The following NSMAF variants were observed in gnomAD, a reference collection of about 807,000 sequenced individuals.
NSMAF encodes neutral sphingomyelinase activation associated factor, also known as protein FAN.
A neutral mutation model predicts 134.9 loss-of-function variants in NSMAF; 90 were observed. The observed-to-expected ratio is 0.67, with a 90% CI of 0.56 to 0.79. NSMAF has a LOEUF of 0.79. Among genes scored for constraint, NSMAF ranks in the 30% least tolerant of loss-of-function variants. The pLI is 0.00. For missense variants in NSMAF, 1,010 were observed against 1,119.0 expected (o/e 0.90, Z 1.39); for synonymous variants, 358 against 389.6 (o/e 0.92, Z 0.96).
At chr8:58,605,403 C>A (rs1183816513) in intron 12 of NSMAF, among the ~76,000 whole-genome samples, 1 of 152,124 alleles carries the variant, frequency 6.6e-6, no homozygotes, top group Non-Finnish European at 1.5e-5. Context: ...TAATATAAGA[C>A]CTGACTGAAC....
intron 8 of NSMAF, 30 bp downstream of exon 8, chr8:58,623,347 T>G (rs748213928): frequency 6.2e-7 from 1 of 1,611,766 alleles, no homozygotes; most frequent in Non-Finnish European, 8.5e-7. Context: ...TAATTGACAA[T>G]CAAAGACAGA....
chr8:58,646,016 A>G (rs143723291), intron 1 of NSMAF, among the ~76,000 whole-genome samples: 4,116 of 152,260 alleles, frequency 0.027, 202 homozygotes, highest in African/African-American at 0.093. Context: ...ACTCCAGCCT[A>G]GGCAACAAGA....
At chr8:58,640,337 C>T (rs1242131922) in intron 2 of NSMAF, among the ~76,000 whole-genome samples, 2 of 152,112 alleles carry the variant, frequency 1.3e-5, no homozygotes, top group African/African-American at 4.8e-5. Flanking sequence ...TCAATTATAT[C>T]TCAATAAAGC....
chr8:58,623,000 A>C (rs1371944019), intron 9 of NSMAF, among the ~76,000 whole-genome samples: 1 of 152,170 alleles, frequency 6.6e-6, no homozygotes, highest in Non-Finnish European at 1.5e-5. Flanking sequence ...AGAAGCAGAA[A>C]CCGAAGCATC....
At chr8:58,640,240 TTACTTTGATTG>T (rs1300244819) in intron 2 of NSMAF, 3 of 270,084 alleles carry the variant, frequency 1.1e-5, no homozygotes, top group African/African-American at 6.8e-5. Context: ...GATATGATAA[TTACTTTGATTG>T]TGGTCAGCAT....
chr8:58,633,064 C>A (rs977298365), intron 5 of NSMAF, among the ~76,000 whole-genome samples: 3 of 152,206 alleles, frequency 2.0e-5, no homozygotes, highest in Non-Finnish European at 2.9e-5. Context: ...GTTTGTACAG[C>A]GTGTTCTCTA....
chr8:58,627,946 G>T (rs1414015477), intron 6 of NSMAF, among the ~76,000 whole-genome samples: 1 of 152,094 alleles, frequency 6.6e-6, no homozygotes, highest in Non-Finnish European at 1.5e-5. Flanking sequence ...TAAGCAAAAA[G>T]AACAAATCTG....
chr8:58,632,991 G>T (rs2129145940), intron 5 of NSMAF, among the ~76,000 whole-genome samples: 1 of 152,192 alleles, frequency 6.6e-6, no homozygotes, highest in Non-Finnish European at 1.5e-5. Context: ...TCACCATCGT[G>T]GTTCAATACA....
At chr8:58,608,287 A>T (rs967570035) in intron 10 of NSMAF, among the ~76,000 whole-genome samples, 2 of 152,240 alleles carry the variant, frequency 1.3e-5, no homozygotes, top group African/African-American at 2.4e-5. Context: ...TAAAAATTAC[A>T]GTGTATTAAG....
intron 9 of NSMAF, among the ~76,000 whole-genome samples, chr8:58,610,735 G>T (rs1184713034): frequency 6.6e-6 from 1 of 152,162 alleles, no homozygotes; most frequent in East Asian, 1.9e-4. Flanking sequence ...AGCAAAGAAA[G>T]CTCCCCAGAG....
rs374437341 is a variant in NSMAF, at chr8:58,595,671, A to G, written c.1793-12T>C. On this transcript the variant is annotated splice_polypyrimidine_tract_variant and intron_variant, in intron 21 of 30. Coordinates refer to ENST00000038176, the MANE Select transcript of NSMAF (RefSeq NM_003580.4). ...AAAAGACTCTTCACCTGGAGAGACG[A>G]CATTAAATTTTTGCTAAGTCAACTA... 7.5e-5 allele frequency: 119 copies of G among 1,585,170 alleles called. No homozygotes were observed. The African/African-American group carries it at 1.4e-3, about 19-fold the overall frequency.
intron 2 of NSMAF, among the ~76,000 whole-genome samples, chr8:58,637,671 C>CA (rs1563541402): frequency 6.6e-6 from 1 of 152,032 alleles, no homozygotes; most frequent in Admixed American, 6.6e-5. Context: ...AATCAATATA[C>CA]AAAAAACAGC....
intron 23 of NSMAF, chr8:58,591,155 A>T: frequency 2.7e-6 from 1 of 366,970 alleles, no homozygotes; most frequent in Non-Finnish European, 4.7e-6. Flanking sequence ...CATCAATTTA[A>T]AAATCCAGCA....
intron 22 of NSMAF, 38 bp downstream of exon 22, chr8:58,595,522 G>T (rs774921745): frequency 2.1e-6 from 3 of 1,436,770 alleles, no homozygotes; most frequent in East Asian, 2.3e-5. Flanking sequence ...CTTTTACCAG[G>T]ACTATCAGCT....
At chr8:58,653,453 G>A (rs1807631281) in intron 1 of NSMAF, among the ~76,000 whole-genome samples, 1 of 150,896 alleles carries the variant, frequency 6.6e-6, no homozygotes, top group Non-Finnish European at 1.5e-5. Context: ...CAGGCCTAAA[G>A]CCTTAGGACA....
At chr8:58,647,919 G>T (rs2129148085) in intron 1 of NSMAF, among the ~76,000 whole-genome samples, 1 of 152,342 alleles carries the variant, frequency 6.6e-6, no homozygotes, top group African/African-American at 2.4e-5. Context: ...AGACATGGAA[G>T]CAGCTTTGGA....
At chr8:58,589,363 T>C in intron 26 of NSMAF, 89 bp downstream of exon 26, 1 of 1,073,434 alleles carries the variant, frequency 9.3e-7, no homozygotes, top group Non-Finnish European at 1.2e-6. Context: ...GAGTGGCTTA[T>C]AATATCTGTA....
chr8:58,659,218 C>T (rs761314054), intron 1 of NSMAF: 14 of 1,469,630 alleles, frequency 9.5e-6, no homozygotes, highest in Non-Finnish European at 1.2e-5. Flanking sequence ...CGCCCGGGCT[C>T]GCGTGCCGGG....
intron 27 of NSMAF, among the ~76,000 whole-genome samples, chr8:58,587,190 T>C (rs1805905294): frequency 6.6e-6 from 1 of 152,234 alleles, no homozygotes; most frequent in South Asian, 2.1e-4. Context: ...CTGCATGTAC[T>C]TGACCATCCC....
Sources: allele counts gnomAD v4.1 joint callset (sites outside exome capture counted in the v4.1 genomes callset), GRCh38; gene constraint gnomAD v4.1.1; transcripts MANE v1.5; gene names NCBI Gene and HGNC (gene_info 2026-07-23, HGNC 2026-07-21).